EVC2: variants seen among roughly 807,000 people sequenced by gnomAD.
EVC2 encodes the protein EvC ciliary complex subunit 2, also known as limbin.
Under a neutral mutation model 149.3 loss-of-function variants are expected in EVC2, and 148 were observed. That is an observed-to-expected ratio of 0.99 (90% CI 0.87 to 1.14). EVC2 has a LOEUF of 1.14. Ranked by LOEUF, EVC2 falls within the 50% of genes most tolerant of loss-of-function variation. The probability of loss-of-function intolerance (pLI) is 0.00; values close to 1 mark genes in which losing one functional copy is unlikely to be tolerated. For missense variants in EVC2, 1,854 were observed against 1,627.3 expected, an observed-to-expected ratio of 1.14 and a Z score of -2.40; for synonymous variants, 776 against 649.9, an observed-to-expected ratio of 1.19 and a Z score of -2.95.
chr4:5,704,611 G>A (rs1722022537), intron 1 of EVC2, among the ~76,000 whole-genome samples: 1 of 152,156 alleles, frequency 6.6e-6, no homozygotes, highest in African/African-American at 2.4e-5. Context: ...ACCCAGCACT[G>A]AGTCCTGGGG....
intron 16 of EVC2, among the ~76,000 whole-genome samples, chr4:5,591,347 TC>T (rs893379438): frequency 5.3e-5 from 8 of 152,214 alleles, no homozygotes; most frequent in Non-Finnish European, 1.2e-4. Flanking sequence ...AATAAAGGTC[TC>T]CTTCCCAAAT....
Position 5,631,960 on chromosome 4 carries a change from CGA to C in EVC2, c.1541_1542del (p.Leu514ArgfsTer22), listed in dbSNP as rs1560180583. On this transcript the variant is annotated frameshift_variant, in exon 11 of 22. Transcript: ENST00000344408. LOFTEE classifies it high-confidence loss of function. Reference protein sequence around the residue: ...GLEQEHLRKSLALQQEEDFAK... With the variant: ...GLEQEHLRKSXALQQEEDFAK... ...GCAAAGTCTTCTTCTTGTTGCAAAG[CGA>C]GAGACTTCCTCAAGTGCTCCTGTTC... The C allele has an allele frequency of 6.2e-7, 1 of 1,614,198 alleles. No individual in the cohort carries two copies.
At chr4:5,705,848 G>A (rs1039682443) in intron 1 of EVC2, among the ~76,000 whole-genome samples, 6 of 151,974 alleles carry the variant, frequency 3.9e-5, no homozygotes, top group African/African-American at 1.2e-4. Flanking sequence ...GGATTCCCTG[G>A]GCCCCACCTT....
intron 18 of EVC2, 148 bp from the exon 19 acceptor site, chr4:5,574,920 G>A: frequency 1.2e-6 from 1 of 868,916 alleles, no homozygotes; most frequent in Admixed American, 2.0e-5. Context: ...CAGAAAGACT[G>A]CCTTCCTTTT....
At chr4:5,587,525 C>T (rs1577122304) in intron 16 of EVC2, among the ~76,000 whole-genome samples, 1 of 152,184 alleles carries the variant, frequency 6.6e-6, no homozygotes, top group Non-Finnish European at 1.5e-5. Context: ...GAGAATCTAA[C>T]GTAAGTACCC....
At chr4:5,609,400 A>G (rs1714649150) in intron 16 of EVC2, among the ~76,000 whole-genome samples, 2 of 152,228 alleles carry the variant, frequency 1.3e-5, no homozygotes, top group South Asian at 4.1e-4. Flanking sequence ...GTAATCGATC[A>G]AATTCAGGAG....
intron 9 of EVC2, among the ~76,000 whole-genome samples, chr4:5,648,603 A>C (rs1717897342): frequency 6.6e-6 from 1 of 152,200 alleles, no homozygotes; most frequent in African/African-American, 2.4e-5. Flanking sequence ...CACACAGCAC[A>C]GTCTGGCATT....
At chr4:5,626,864 G>A (rs991484203) in intron 12 of EVC2, among the ~76,000 whole-genome samples, 6 of 152,070 alleles carry the variant, frequency 3.9e-5, no homozygotes, top group Non-Finnish European at 8.8e-5. Context: ...CCTTGGACTG[G>A]GACTTACACC....
chr4:5,569,242 G>A lies in EVC2; in HGVS notation c.3361-602C>T, dbSNP rs1360570943. Among the ~76,000 whole-genome samples, 1 of 152,218 alleles carries A rather than the reference G, an allele frequency of 6.6e-6. No individual in the cohort carries two copies. Among genetic ancestry groups the A allele is most frequent in the East Asian group, 1.9e-4 (1 of 5,182 alleles). ...GCAGTGGATGCCAGGTGTGGGGCAG[G>A]GGAGGTGGGTGTGGCCTTAAAGGGG... On this transcript the variant is annotated intron_variant, in intron 19 of 21. Coordinates refer to ENST00000344408, the MANE Select transcript of EVC2 (RefSeq NM_147127.5). This position sits in a 1 kb window ranked among gnomAD's most constrained non-coding sequence, Gnocchi z 4.8.
At chr4:5,580,803 G>GTGTCCCCACTTAAATC (rs57966881) in intron 17 of EVC2, among the ~76,000 whole-genome samples, 8 of 152,116 alleles carry the variant, frequency 5.3e-5, no homozygotes, top group South Asian at 2.1e-4. Flanking sequence ...GACTGAATTT[G>GTGTCCCCACTTAAATC]TCATGTTGAA....
At chr4:5,673,694 G>A (rs566928365) in intron 7 of EVC2, among the ~76,000 whole-genome samples, 34 of 152,170 alleles carry the variant, frequency 2.2e-4, no homozygotes, top group Non-Finnish European at 3.2e-4. Context: ...TATGAAGAGC[G>A]ATGCTGGATA....
chr4:5,698,368 T>C (rs1721618393), intron 1 of EVC2, among the ~76,000 whole-genome samples: 1 of 152,134 alleles, frequency 6.6e-6, no homozygotes, highest in African/African-American at 2.4e-5. Context: ...TGGAGAGAAC[T>C]GGACTCTAGC....
At chr4:5,600,509 A>G (rs1442407464) in intron 16 of EVC2, among the ~76,000 whole-genome samples, 4 of 152,212 alleles carry the variant, frequency 2.6e-5, no homozygotes, top group African/African-American at 9.6e-5. Context: ...TTTAAGATGC[A>G]GCCAGTGCTT....
intron 1 of EVC2, among the ~76,000 whole-genome samples, chr4:5,698,262 T>G (rs1721612036): frequency 6.6e-6 from 1 of 152,084 alleles, no homozygotes; most frequent in South Asian, 2.1e-4. Context: ...AGCCCTGCCC[T>G]CCATCAACTC....
At chr4:5,697,893 C>T (rs1405483779) in intron 1 of EVC2, among the ~76,000 whole-genome samples, 1 of 151,744 alleles carries the variant, frequency 6.6e-6, no homozygotes, top group Non-Finnish European at 1.5e-5. Context: ...CTACAGGCGC[C>T]CACCACCACG....
intron 17 of EVC2, among the ~76,000 whole-genome samples, chr4:5,580,522 T>C (rs1442571271): frequency 6.6e-6 from 1 of 152,230 alleles, no homozygotes; most frequent in Non-Finnish European, 1.5e-5. Context: ...AGGGCTGTAC[T>C]GAGGGTGTTT....
At chr4:5,665,826 A>T (rs774208273) in intron 7 of EVC2, among the ~76,000 whole-genome samples, 177 bp from the exon 8 acceptor site, 1 of 152,170 alleles carries the variant, frequency 6.6e-6, no homozygotes, top group Non-Finnish European at 1.5e-5. Flanking sequence ...GTCCTCTCTG[A>T]GCCTGAACTT....
At chr4:5,605,727 T>C (rs1714339619) in intron 16 of EVC2, among the ~76,000 whole-genome samples, 1 of 152,154 alleles carries the variant, frequency 6.6e-6, no homozygotes, top group Admixed American at 6.5e-5. Flanking sequence ...GTCCAACAGA[T>C]CTGACAAACT....
rs1717247250 is a variant in EVC2 at position 5,640,538 on chromosome 4, C to A, written c.1446G>T (p.Glu482Asp). Reference sequence around the variant, plus strand: ...CCCTCTCACCAGCACGTTTCAGCAACTCTTCTGCTTCCTCCATTGCCATCA... The same window carrying A: ...CCCTCTCACCAGCACGTTTCAGCAAATCTTCTGCTTCCTCCATTGCCATCA... The part of the protein sequence containing the change: ...REMMAMEEAE[E>D]LLKRAGERSA... The change falls in exon 10 of 22, where the codon GAG becomes GAT. Residue 482 changes from glutamate to aspartate, a missense_variant. Physicochemically the swap from Glu to Asp is conservative, Grantham distance 45. Coordinates refer to ENST00000344408, the MANE Select transcript of EVC2 (RefSeq NM_147127.5). This position sits in a 1 kb window ranked among gnomAD's most constrained non-coding sequence, Gnocchi z 4.6. The A allele has an allele frequency of 6.2e-7, 1 of 1,614,074 alleles. No homozygotes were observed. Among genetic ancestry groups the A allele is most frequent in the African/African-American group, 1.3e-5 (1 of 74,934 alleles).
Sources: allele counts gnomAD v4.1 joint callset (sites outside exome capture counted in the v4.1 genomes callset), GRCh38; gene constraint gnomAD v4.1.1; non-coding constraint Gnocchi (gnomAD v3.1); transcripts MANE v1.5; gene names NCBI Gene and HGNC (gene_info 2026-07-23, HGNC 2026-07-21).